Variants in FAM81A observed in about 807,000 individuals in gnomAD.
FAM81A encodes protein FAM81A.
FAM81A carries 19 observed loss-of-function variants against 46.7 expected under a neutral mutation model. The observed-to-expected ratio is 0.41, with a 90% CI of 0.28 to 0.60. FAM81A has a LOEUF of 0.60. Ranked by LOEUF, FAM81A falls within the 20% of genes least tolerant of loss-of-function variation. The pLI is 0.34. For missense variants in FAM81A, 377 were observed against 453.5 expected (o/e 0.83, Z 1.53); for synonymous variants, 183 against 152.9 (o/e 1.20, Z -1.45).
intron 1 of FAM81A, among the ~76,000 whole-genome samples, chr15:59,452,783 A>G (rs2081434753): frequency 6.6e-6 from 1 of 152,222 alleles, no homozygotes; most frequent in Non-Finnish European, 1.5e-5. Context: ...TTATTTAGAA[A>G]CAGGATCTCA....
In FAM81A at chr15:59,451,539, G is replaced by A. The variant is rs551756853; in HGVS notation, c.-77-7011G>A. Among the ~76,000 whole-genome samples, 40 of 151,380 alleles carry A rather than the reference G, an allele frequency of 2.6e-4. No individual in the cohort carries two copies. In the South Asian group the frequency reaches 7.5e-3, roughly 28 times the overall value. On this transcript the variant is annotated intron_variant, in intron 1 of 8. Coordinates refer to ENST00000288228, the MANE Select transcript of FAM81A (RefSeq NM_152450.3). The stretch of plus-strand genomic sequence containing the variant: ...GTGATCTGGGCTCACTGCAACTTCT[G>A]TCTTCTGGGTTCAAGTGATTCTTCT...
chr15:59,477,549 A>G (rs1192019078), intron 3 of FAM81A, among the ~76,000 whole-genome samples: 1 of 152,218 alleles, frequency 6.6e-6, no homozygotes, highest in African/African-American at 2.4e-5. Context: ...TGTGACTCTG[A>G]ACAGTTATAC....
chr15:59,449,164 G>C (rs1219896283), intron 1 of FAM81A, among the ~76,000 whole-genome samples: 1 of 152,094 alleles, frequency 6.6e-6, no homozygotes, highest in African/African-American at 2.4e-5. Context: ...CAATTTCATG[G>C]TCCTAGAATG....
chr15:59,518,478 C>G (rs537299269), intron 8 of FAM81A, among the ~76,000 whole-genome samples: 234 of 151,984 alleles, frequency 1.5e-3, no homozygotes, highest in Non-Finnish European at 1.2e-3. Flanking sequence ...CCACCATGCC[C>G]AGCTCATTTT....
At chr15:59,419,810 C>T (rs1019871507) in intron 2 of FAM81A, among the ~76,000 whole-genome samples, 8 of 149,986 alleles carry the variant, frequency 5.3e-5, no homozygotes, top group African/African-American at 2.0e-4. Flanking sequence ...ACTCCTGGAG[C>T]TGGATTGCAG....
At chr15:59,425,850 C>G (rs140971742) in intron 2 of FAM81A, among the ~76,000 whole-genome samples, 49 of 152,288 alleles carry the variant, frequency 3.2e-4, no homozygotes, top group African/African-American at 1.1e-3. Flanking sequence ...GTCTTGAACT[C>G]CTGGCCTCAG....
intron 3 of FAM81A, among the ~76,000 whole-genome samples, chr15:59,490,677 C>CA (rs1222717008): frequency 3.3e-5 from 5 of 151,854 alleles, no homozygotes; most frequent in African/African-American, 7.3e-5. Context: ...ACTAAAAATA[C>CA]AAAAAAAATT....
chr15:59,490,626 G>A (rs1260844763), intron 3 of FAM81A, among the ~76,000 whole-genome samples: 1 of 152,126 alleles, frequency 6.6e-6, no homozygotes, highest in Non-Finnish European at 1.5e-5. Flanking sequence ...GAAGCCAGGG[G>A]TTTCAGACCA....
At chr15:59,505,605 A>G (rs550644606) in intron 4 of FAM81A, among the ~76,000 whole-genome samples, 150 of 152,090 alleles carry the variant, frequency 9.9e-4, no homozygotes, top group African/African-American at 3.5e-3. Flanking sequence ...GTCTGCCTGG[A>G]AGTGGATGTA....
intron 4 of FAM81A, among the ~76,000 whole-genome samples, chr15:59,504,803 A>G (rs2082132143): frequency 6.6e-6 from 1 of 152,142 alleles, no homozygotes; most frequent in Non-Finnish European, 1.5e-5. Flanking sequence ...GTTGTCTCCT[A>G]TATCTATTGT....
rs201502713 is a variant in FAM81A at position 59,516,755 on chromosome 15, A to G, written c.897A>G (p.Glu299=). The G allele has an allele frequency of 2.5e-6, 4 of 1,613,696 alleles. No homozygotes were observed. Among genetic ancestry groups the G allele is most frequent in the Admixed American group, 1.7e-5 (1 of 59,886 alleles). Residue 299 remains glutamate (E), a synonymous_variant, in exon 8 of 9, where the codon GAA becomes GAG. Coordinates refer to ENST00000288228, the MANE Select transcript of FAM81A (RefSeq NM_152450.3). ...KTFDGQRTRQ[E]EEKMHGRITK... is the part of the protein sequence containing the mutation. ...TTGATGGTCAGAGAACAAGGCAAGA[A>G]GAGGAGAAGATGCACGGGCGAATCA...
intron 3 of FAM81A, among the ~76,000 whole-genome samples, chr15:59,488,176 A>G (rs1300239405): frequency 1.6e-4 from 25 of 152,340 alleles, no homozygotes; most frequent in African/African-American, 5.3e-4. Context: ...AAAGCATATG[A>G]TCATATCAAC....
intron 2 of FAM81A, among the ~76,000 whole-genome samples, chr15:59,432,489 A>G (rs1348904142): frequency 6.6e-6 from 1 of 152,222 alleles, no homozygotes; most frequent in African/African-American, 2.4e-5. Flanking sequence ...TGAAGTTTGT[A>G]AGGCATTTTT....
intron 1 of FAM81A, among the ~76,000 whole-genome samples, chr15:59,451,738 C>G (rs576425724): frequency 6.6e-6 from 1 of 152,332 alleles, no homozygotes; most frequent in Non-Finnish European, 1.5e-5. Flanking sequence ...TAGGCATGAG[C>G]CACCACATCT....
chr15:59,456,794 C>G (rs560417878), intron 1 of FAM81A, among the ~76,000 whole-genome samples: 1 of 151,972 alleles, frequency 6.6e-6, no homozygotes, highest in Admixed American at 6.6e-5. Context: ...CAGCTGGCCT[C>G]GAAATTCTGG....
chr15:59,472,573 TA>T (rs1300552389), intron 3 of FAM81A, among the ~76,000 whole-genome samples: 13 of 127,578 alleles, frequency 1.0e-4, no homozygotes, highest in Middle Eastern at 4.1e-3. Flanking sequence ...TTTTTTTTTT[TA>T]AATGTTTTCT....
chr15:59,483,182 T>G (rs1352141020), intron 3 of FAM81A, among the ~76,000 whole-genome samples: 1 of 152,008 alleles, frequency 6.6e-6, no homozygotes, highest in African/African-American at 2.4e-5. Context: ...GGACTACAGG[T>G]GCGTGCCATC....
At chr15:59,494,840 G>C (rs2082017374) in intron 4 of FAM81A, among the ~76,000 whole-genome samples, 1 of 152,052 alleles carries the variant, frequency 6.6e-6, no homozygotes. Context: ...GTGTCCATTG[G>C]TGATGTAATT....
intron 3 of FAM81A, among the ~76,000 whole-genome samples, chr15:59,481,658 C>T (rs1203119964): frequency 1.3e-5 from 2 of 151,950 alleles, no homozygotes; most frequent in African/African-American, 2.4e-5. Context: ...TTGTGAAATA[C>T]TTGACATGTG....
Sources: allele counts gnomAD v4.1 joint callset (sites outside exome capture counted in the v4.1 genomes callset), GRCh38; gene constraint gnomAD v4.1.1; transcripts MANE v1.5; gene names NCBI Gene and HGNC (gene_info 2026-07-23, HGNC 2026-07-21).